Variants in MND1 observed in about 807,000 individuals in gnomAD.
MND1 encodes meiotic nuclear divisions 1.
MND1 carries 28 observed loss-of-function variants against 35.1 expected under a neutral mutation model. The observed-to-expected ratio is 0.80, with a 90% CI of 0.59 to 1.09. The LOEUF (loss-of-function observed/expected upper bound fraction) is 1.09. MND1 is among the 50% of genes least tolerant of loss of function. The pLI is 0.00. For missense variants in MND1, 213 were observed against 239.6 expected (o/e 0.89, Z 0.73); for synonymous variants, 69 against 70.5 (o/e 0.98, Z 0.11).
At chr4:153,393,756 ATG>A (rs1221460910) in intron 4 of MND1, among the ~76,000 whole-genome samples, 6 of 151,892 alleles carry the variant, frequency 4.0e-5, no homozygotes, top group Middle Eastern at 3.2e-3. Flanking sequence ...AATGGAGACT[ATG>A]TGGAAAAGAT....
Position 153,364,936 on chromosome 4 carries a change from C to G in MND1, c.276+6314C>G, listed in dbSNP as rs558091435. On this transcript the variant is annotated intron_variant, in intron 4 of 7. Transcript: ENST00000240488. ...TGAGGGCAATATGCTAAGTGAAAAG[C>G]CAGTCATAAAAAGACAAATACTCTA... is the stretch of plus-strand genomic sequence containing the variant. 2.6e-5 allele frequency among the ~76,000 whole-genome samples: 4 copies of G among 152,174 alleles called. No individual in the cohort carries two copies. The East Asian group carries it at 7.7e-4, about 29-fold the overall frequency.
intron 4 of MND1, among the ~76,000 whole-genome samples, chr4:153,363,314 C>T (rs759168922): frequency 2.6e-5 from 4 of 151,672 alleles, no homozygotes; most frequent in Non-Finnish European, 5.9e-5. Flanking sequence ...AGAGTTCAAG[C>T]AATTCTCCTG....
intron 5 of MND1, among the ~76,000 whole-genome samples, chr4:153,395,293 A>T (rs1005867402): frequency 6.6e-6 from 1 of 152,110 alleles, no homozygotes; most frequent in African/African-American, 2.4e-5. Flanking sequence ...TTTTTTTTAA[A>T]CACTGGCAAT....
At chr4:153,379,336 A>AG (rs1265904858) in intron 4 of MND1, among the ~76,000 whole-genome samples, 1 of 149,542 alleles carries the variant, frequency 6.7e-6, no homozygotes, top group African/African-American at 2.5e-5. Flanking sequence ...AAAAAAAAAA[A>AG]GAAACCACAA....
chr4:153,377,825 TTTTTTC>T (rs1005472124), intron 4 of MND1, among the ~76,000 whole-genome samples: 1 of 152,186 alleles, frequency 6.6e-6, no homozygotes, highest in Non-Finnish European at 1.5e-5. Context: ...TGTGCCTGGC[TTTTTTC>T]TTTTTCTTTA....
chr4:153,373,223 TATCTC>T (rs1437422785), intron 4 of MND1, among the ~76,000 whole-genome samples: 1 of 152,198 alleles, frequency 6.6e-6, no homozygotes, highest in Non-Finnish European at 1.5e-5. Flanking sequence ...TCTGCCATCT[TATCTC>T]AACTAGTCTC....
Position 153,371,055 on chromosome 4 carries a change from G to T in MND1, c.276+12433G>T, listed in dbSNP as rs556338773. 1.5e-3 allele frequency among the ~76,000 whole-genome samples: 233 copies of T among 152,166 alleles called. 5 individuals carry two copies. The highest frequency in any genetic ancestry group is 2.2e-4 in the Non-Finnish European group (15 of 68,012). Reference sequence around the variant, plus strand: ...TGTATATCTTCCTCAGAGTTCTTGGGTGACTAGGTACATTGTCATTGGGCA... The same window carrying T: ...TGTATATCTTCCTCAGAGTTCTTGGTTGACTAGGTACATTGTCATTGGGCA... On this transcript the variant is annotated intron_variant, in intron 4 of 7. Transcript: ENST00000240488.
rs146425160 is a variant in MND1, at chr4:153,354,739, T to G, written c.70-915T>G. Reference sequence around the variant, plus strand: ...TGTTACCCAGGCCAGTCTCCAGCTCTTGAGCTCAAGCAGTCCTCCCAAAGT... The same window carrying G: ...TGTTACCCAGGCCAGTCTCCAGCTCGTGAGCTCAAGCAGTCCTCCCAAAGT... On this transcript the variant is annotated intron_variant, in intron 2 of 7. Coordinates refer to ENST00000240488, the MANE Select transcript of MND1 (RefSeq NM_032117.4). Among the ~76,000 whole-genome samples the G allele has an allele frequency of 5.7e-3, 867 of 152,262 alleles. 10 individuals carry two copies. The highest frequency in any genetic ancestry group is 4.9e-3 in the Non-Finnish European group (330 of 68,018).
intron 6 of MND1, among the ~76,000 whole-genome samples, chr4:153,404,434 G>A (rs1262855194): frequency 6.8e-6 from 1 of 147,568 alleles, no homozygotes; most frequent in Admixed American, 6.8e-5. Flanking sequence ...TTCGTGATCT[G>A]CCCGCCTCAG....
At chr4:153,354,144 GT>G (rs79558299) in intron 2 of MND1, among the ~76,000 whole-genome samples, 3 of 149,732 alleles carry the variant, frequency 2.0e-5, no homozygotes, top group East Asian at 1.9e-4. Context: ...TTCTAGACAG[GT>G]TTTTTTTTTC....
chr4:153,372,243 G>T (rs535429453), intron 4 of MND1, among the ~76,000 whole-genome samples: 2 of 152,110 alleles, frequency 1.3e-5, no homozygotes, highest in South Asian at 4.1e-4. Context: ...CAATAGACTT[G>T]CTTGACTCAA....
At chr4:153,345,131 T>G (rs13112848) in intron 1 of MND1, among the ~76,000 whole-genome samples, 3,790 of 152,198 alleles carry the variant, frequency 0.025, 63 homozygotes, top group Non-Finnish European at 0.039. Flanking sequence ...CTGGGCTCCC[T>G]ACGCCTCCAG....
At chr4:153,414,006 C>T (rs529010013) in intron 7 of MND1, among the ~76,000 whole-genome samples, 1 of 152,108 alleles carries the variant, frequency 6.6e-6, no homozygotes, top group East Asian at 1.9e-4. Flanking sequence ...CCTTTCCCTG[C>T]TCCCCACCCC....
intron 3 of MND1, among the ~76,000 whole-genome samples, chr4:153,358,093 T>C (rs6535915): frequency 0.35 from 53,167 of 152,030 alleles, 10,163 homozygotes; most frequent in African/African-American, 0.51. Flanking sequence ...TTGACATTAC[T>C]GCTATGCACC....
chr4:153,386,170 T>C (rs536045514), intron 4 of MND1, among the ~76,000 whole-genome samples: 4 of 151,808 alleles, frequency 2.6e-5, no homozygotes, highest in African/African-American at 9.7e-5. Context: ...TGAAGTGTTT[T>C]GTTTTTTGTT....
chr4:153,408,933 T>TATAA lies in MND1; in HGVS notation c.467-37_467-36insTAAA, dbSNP rs35950044. On this transcript the variant is annotated intron_variant, in intron 6 of 7. Coordinates refer to ENST00000240488, the MANE Select transcript of MND1 (RefSeq NM_032117.4). ...GTGTGTATATATATATATATATATA[T>TATAA]AAATACATTTCATTTTATATATATA... 2.9e-3 allele frequency: 1,982 copies of TATAA among 694,652 alleles called. 19 individuals carry two copies. The African/African-American group carries it at 0.031, about 11-fold the overall frequency. The allele number at this position is 694,652 out of a possible 1,614,324, so 43.0% of individuals were successfully genotyped here.
At chr4:153,412,809 CT>C (rs112832041) in intron 7 of MND1, among the ~76,000 whole-genome samples, 7,965 of 127,070 alleles carry the variant, frequency 0.063, 315 homozygotes, top group South Asian at 0.14. Context: ...TCTTTTTTTT[CT>C]TTTTTTTTTT....
intron 4 of MND1, among the ~76,000 whole-genome samples, chr4:153,388,701 T>C (rs543725613): frequency 3.0e-4 from 46 of 152,268 alleles, no homozygotes; most frequent in African/African-American, 1.1e-3. Flanking sequence ...AGCACCCCAC[T>C]AGCCCCAACC....
chr4:153,345,073 A>G (rs1288617035), intron 1 of MND1, among the ~76,000 whole-genome samples: 2 of 152,156 alleles, frequency 1.3e-5, no homozygotes, highest in Non-Finnish European at 2.9e-5. Flanking sequence ...TGACCCGAGA[A>G]CTTCACCAAC....
Sources: gnomAD v4.1 joint callset for allele counts (sites outside exome capture counted in the v4.1 genomes callset) on GRCh38, gnomAD v4.1.1 for gene constraint, MANE v1.5 for transcripts, NCBI Gene and HGNC (gene_info 2026-07-23, HGNC 2026-07-21) for gene names.